DOCK1: variants seen among roughly 807,000 people sequenced by gnomAD.
The protein encoded by DOCK1 is dedicator of cytokinesis protein 1.
Under a neutral mutation model 262.7 loss-of-function variants are expected in DOCK1, and 138 were observed. The observed-to-expected ratio is 0.53, with a 90% CI of 0.46 to 0.61. The LOEUF (loss-of-function observed/expected upper bound fraction) is 0.61, where lower values mean the gene tolerates loss of function less well. Among genes scored for constraint, DOCK1 ranks in the 20% least tolerant of loss-of-function variants. The pLI, the probability that DOCK1 is intolerant of heterozygous loss-of-function variation, is 0.00. For synonymous variants in DOCK1, 866 were observed against 867.4 expected (o/e 1.00, Z 0.03); for missense variants, 1,908 against 2,370.7 (o/e 0.80, Z 4.05).
intron 1 of DOCK1, among the ~76,000 whole-genome samples, chr10:126,927,166 G>T (rs1394179804): frequency 1.3e-5 from 2 of 152,170 alleles, no homozygotes; most frequent in African/African-American, 2.4e-5. Flanking sequence ...GAAGAAAACT[G>T]CCTAGAGAGT....
chr10:127,380,793 AT>A (rs754834620), intron 36 of DOCK1, among the ~76,000 whole-genome samples: 19 of 152,156 alleles, frequency 1.2e-4, no homozygotes, highest in Non-Finnish European at 2.1e-4. Context: ...TGATTGTCTA[AT>A]TTTCTATTTC....
At chr10:126,962,091 G>A (rs1236250236) in intron 1 of DOCK1, among the ~76,000 whole-genome samples, 4 of 151,320 alleles carry the variant, frequency 2.6e-5, no homozygotes, top group Non-Finnish European at 5.9e-5. Context: ...TCCGCCTCCC[G>A]GATTCAATCC....
chr10:127,142,423 A>T (rs1177522993), intron 27 of DOCK1, among the ~76,000 whole-genome samples: 3 of 152,166 alleles, frequency 2.0e-5, no homozygotes, highest in Non-Finnish European at 2.9e-5. Context: ...TTTGTAAAGC[A>T]TGGGCAGGGG....
intron 23 of DOCK1, among the ~76,000 whole-genome samples, chr10:127,093,214 C>CTTTCTTTCTTTCTTTCTTTCTTTCT (rs1453771073): frequency 1.8e-3 from 205 of 115,916 alleles, no homozygotes; most frequent in Admixed American, 3.6e-3. Context: ...TTCTTTCTTT[C>CTTTCTTTCTTTCTTTCTTTCTTTCT]TTTCTTTTCT....
intron 10 of DOCK1, among the ~76,000 whole-genome samples, chr10:127,008,419 CTTG>C (rs1254227624): frequency 6.6e-6 from 1 of 152,138 alleles, no homozygotes; most frequent in Non-Finnish European, 1.5e-5. Context: ...ATTTTCGTTG[CTTG>C]TTGTTAATGG....
chr10:127,162,781 G>C (rs1268428863), intron 27 of DOCK1, among the ~76,000 whole-genome samples: 1 of 152,252 alleles, frequency 6.6e-6, no homozygotes. Flanking sequence ...AGGCCTGCCA[G>C]TCCCAGTTCA....
intron 27 of DOCK1, among the ~76,000 whole-genome samples, chr10:127,206,293 G>A (rs1349890399): frequency 6.6e-6 from 1 of 151,644 alleles, no homozygotes; most frequent in Non-Finnish European, 1.5e-5. Context: ...ACAGGCACCC[G>A]CCACCATGCC....
chr10:127,062,935 A>G (rs1176063577), intron 23 of DOCK1, among the ~76,000 whole-genome samples: 1 of 152,142 alleles, frequency 6.6e-6, no homozygotes, highest in Non-Finnish European at 1.5e-5. Flanking sequence ...CCTTTGGAAG[A>G]AAGATCCCTT....
intron 16 of DOCK1, among the ~76,000 whole-genome samples, chr10:127,028,160 A>G (rs1040199119): frequency 1.3e-5 from 2 of 152,132 alleles, no homozygotes; most frequent in Non-Finnish European, 2.9e-5. Context: ...TTCAGTTACA[A>G]GGGCATCAGG....
intron 23 of DOCK1, among the ~76,000 whole-genome samples, chr10:127,078,603 C>T (rs958127569): frequency 6.6e-6 from 1 of 152,020 alleles, no homozygotes; most frequent in Non-Finnish European, 1.5e-5. Context: ...GGGTATCTAC[C>T]CAGAGGAAAA....
intron 38 of DOCK1, among the ~76,000 whole-genome samples, chr10:127,393,370 G>T (rs953454654): frequency 2.0e-5 from 3 of 152,146 alleles, no homozygotes; most frequent in Non-Finnish European, 2.9e-5. Context: ...TGCAATTAAG[G>T]AAATCTTCAT....
intron 28 of DOCK1, among the ~76,000 whole-genome samples, chr10:127,250,215 A>G (rs1318158772): frequency 3.3e-5 from 5 of 152,188 alleles, no homozygotes; most frequent in South Asian, 2.1e-4. Context: ...CTTTTTCAGA[A>G]CAATCACTTC....
At chr10:127,089,033 C>T (rs2047361357) in intron 23 of DOCK1, among the ~76,000 whole-genome samples, 1 of 152,202 alleles carries the variant, frequency 6.6e-6, no homozygotes, top group African/African-American at 2.4e-5. Flanking sequence ...ACTTCACCCG[C>T]AGCCATGCCG....
intron 29 of DOCK1, among the ~76,000 whole-genome samples, chr10:127,334,955 GGTTTT>G (rs2063131789): frequency 6.6e-6 from 1 of 152,090 alleles, no homozygotes; most frequent in Non-Finnish European, 1.5e-5. Flanking sequence ...AAACCTACAC[GGTTTT>G]CTGCAAGGAC....
intron 30 of DOCK1, among the ~76,000 whole-genome samples, chr10:127,342,713 T>C (rs2063486083): frequency 6.6e-6 from 1 of 152,192 alleles, no homozygotes; most frequent in Non-Finnish European, 1.5e-5. Flanking sequence ...ATATTATCCC[T>C]GGTTTGTAAA....
In DOCK1 at chr10:127,096,673, T is replaced by A. The variant is rs143796992; in HGVS notation, c.2446-9558T>A. ...ATCTATTAATCATCATCATCAGTAA[T>A]ATTTTTAGCCAGAGAGACACTTACA... On this transcript the variant is annotated intron_variant, in intron 23 of 51. Coordinates refer to ENST00000623213, the MANE Select transcript of DOCK1 (RefSeq NM_001290223.2). Among the ~76,000 whole-genome samples the A allele has an allele frequency of 8.6e-3, 1,301 of 151,914 alleles. 71 individuals are homozygous for A. Among genetic ancestry groups the A allele is most frequent in the Admixed American group, 0.075 (1,142 of 15,208 alleles).
chr10:127,389,598 G>A (rs749845457), intron 38 of DOCK1, among the ~76,000 whole-genome samples: 6 of 152,156 alleles, frequency 3.9e-5, no homozygotes, highest in African/African-American at 7.2e-5. Context: ...ATCTGAAGTC[G>A]TTGTAATCTC....
intron 1 of DOCK1, among the ~76,000 whole-genome samples, chr10:126,962,718 A>C (rs1032420869): frequency 6.6e-6 from 1 of 152,196 alleles, no homozygotes; most frequent in Non-Finnish European, 1.5e-5. Flanking sequence ...AATGCACAAG[A>C]GTTTTTAATT....
chr10:127,013,202 G>A (rs1244765276), intron 12 of DOCK1, among the ~76,000 whole-genome samples: 2 of 152,102 alleles, frequency 1.3e-5, no homozygotes, highest in Admixed American at 1.3e-4. Context: ...CTTTCTTCTG[G>A]TGTGAACTAC....
Sources: gnomAD v4.1 joint callset for allele counts (sites outside exome capture counted in the v4.1 genomes callset) on GRCh38, gnomAD v4.1.1 for gene constraint, MANE v1.5 for transcripts, NCBI Gene and HGNC (gene_info 2026-07-23, HGNC 2026-07-21) for gene names.